Variants in TSPAN5 observed in about 807,000 individuals in gnomAD.
TSPAN5 encodes tetraspanin-5.
Under a neutral mutation model 37.1 loss-of-function variants are expected in TSPAN5, and 10 were observed. That is an observed-to-expected ratio of 0.27 (90% CI 0.17 to 0.46). The LOEUF is 0.46. TSPAN5 is among the 20% of genes least tolerant of loss of function. The pLI, the probability that TSPAN5 is intolerant of heterozygous loss-of-function variation, is 1.00. For missense variants in TSPAN5, 195 were observed against 326.6 expected (o/e 0.60, Z 3.11); for synonymous variants, 110 against 118.9 (o/e 0.93, Z 0.48).
At chr4:98,499,374 A>G (rs1753289116) in intron 2 of TSPAN5, among the ~76,000 whole-genome samples, 1 of 152,176 alleles carries the variant, frequency 6.6e-6, no homozygotes, top group Non-Finnish European at 1.5e-5. Flanking sequence ...TTAGGTTTGC[A>G]GTTTTATTAT....
intron 2 of TSPAN5, chr4:98,496,537 C>G (rs1392964778): frequency 6.6e-6 from 1 of 152,180 alleles, no homozygotes; most frequent in Non-Finnish European, 1.5e-5. Context: ...TAAAAAGTGG[C>G]CATGACCTGC....
chr4:98,482,354 T>C (rs1321037957), intron 3 of TSPAN5, 179 bp from the exon 4 acceptor site: 1 of 534,216 alleles, frequency 1.9e-6, no homozygotes, highest in Non-Finnish European at 3.2e-6. Context: ...AGAAAGGACT[T>C]TTAAAAATCA....
rs557888360 is a variant in TSPAN5, at chr4:98,619,168, C to T, written c.81+38978G>A. On this transcript the variant is annotated intron_variant, in intron 1 of 7. Coordinates refer to ENST00000305798, the MANE Select transcript of TSPAN5 (RefSeq NM_005723.4). ...ACACACAAACTCTATCAGTATTAGC[C>T]TATTTAAACCTTAAATTTTTAATTC... is the stretch of plus-strand genomic sequence containing the variant. Among the ~76,000 whole-genome samples, 4 of 152,192 alleles carry T rather than the reference C, an allele frequency of 2.6e-5. No individual in the cohort carries two copies. The South Asian group carries it at 8.3e-4, about 32-fold the overall frequency.
At chr4:98,559,447 A>G (rs901034388) in intron 1 of TSPAN5, among the ~76,000 whole-genome samples, 5 of 152,210 alleles carry the variant, frequency 3.3e-5, no homozygotes, top group African/African-American at 9.6e-5. Flanking sequence ...TAAGAAGAGT[A>G]TAATAAAGAA....
At chr4:98,491,385 C>T (rs1753082581) in intron 2 of TSPAN5, among the ~76,000 whole-genome samples, 1 of 152,134 alleles carries the variant, frequency 6.6e-6, no homozygotes, top group Admixed American at 6.5e-5. Flanking sequence ...TTCATCTGTG[C>T]ACAATTTCCC....
chr4:98,498,934 C>T (rs1050151165), intron 2 of TSPAN5, among the ~76,000 whole-genome samples: 28 of 152,098 alleles, frequency 1.8e-4, no homozygotes, highest in Non-Finnish European at 3.8e-4. Flanking sequence ...GGAGAAAACA[C>T]GGGGACAGCA....
intron 1 of TSPAN5, among the ~76,000 whole-genome samples, chr4:98,549,296 GT>G (rs777948646): frequency 7.9e-6 from 1 of 126,474 alleles, no homozygotes; most frequent in Non-Finnish European, 1.6e-5. Flanking sequence ...TTGTTTGTTT[GT>G]TTTTGTTTTT....
intron 1 of TSPAN5, among the ~76,000 whole-genome samples, chr4:98,580,634 T>C (rs1441675270): frequency 6.6e-6 from 1 of 152,066 alleles, no homozygotes; most frequent in Non-Finnish European, 1.5e-5. Context: ...GAACAAACAA[T>C]TAAAAGGAAA....
chr4:98,489,612 C>A (rs1753043243), intron 2 of TSPAN5, among the ~76,000 whole-genome samples: 1 of 152,172 alleles, frequency 6.6e-6, no homozygotes, highest in African/African-American at 2.4e-5. Flanking sequence ...TTGTAGAAGC[C>A]ACCACTGACT....
rs184009096 is a variant in TSPAN5, at chr4:98,505,641, G to A, written c.132+2037C>T. On this transcript the variant is annotated intron_variant, in intron 2 of 7. Coordinates refer to ENST00000305798, the MANE Select transcript of TSPAN5 (RefSeq NM_005723.4). ...ACCAGTATCTGGACAAACATACTTG[G>A]GCAGTAACTGCTTCTCATTGGTGAC... 2.0e-5 allele frequency among the ~76,000 whole-genome samples: 3 copies of A among 152,274 alleles called. No homozygotes were observed. In the East Asian group the frequency reaches 5.8e-4, roughly 29 times the overall value.
chr4:98,525,913 T>C (rs1296134876), intron 1 of TSPAN5, among the ~76,000 whole-genome samples: 7 of 152,232 alleles, frequency 4.6e-5, no homozygotes, highest in Non-Finnish European at 7.3e-5. Flanking sequence ...AATTAAGATA[T>C]AAGTATTCCA....
chr4:98,571,089 C>A (rs1291366053), intron 1 of TSPAN5, among the ~76,000 whole-genome samples: 1 of 152,126 alleles, frequency 6.6e-6, no homozygotes, highest in Non-Finnish European at 1.5e-5. Context: ...CTATTTTCCT[C>A]ATTCTAGCAA....
In TSPAN5 at chr4:98,504,843, C is replaced by T. The variant is rs143384049; in HGVS notation, c.132+2835G>A. Among the ~76,000 whole-genome samples, 103 of 152,132 alleles carry T rather than the reference C, an allele frequency of 6.8e-4. 1 individual carries two copies. In the Middle Eastern group the frequency reaches 0.01, roughly 15 times the overall value. ...CAGGTCTGTTTACCCCTGTCTTAGT[C>T]GGCTGTATAACACTGATCATAAACT... On this transcript the variant is annotated intron_variant, in intron 2 of 7. Coordinates refer to ENST00000305798, the MANE Select transcript of TSPAN5 (RefSeq NM_005723.4).
intron 2 of TSPAN5, among the ~76,000 whole-genome samples, chr4:98,503,330 G>A (rs542132436): frequency 1.3e-5 from 2 of 152,270 alleles, no homozygotes; most frequent in South Asian, 4.2e-4. Flanking sequence ...CCATGGTGCA[G>A]AAAAGACACC....
intron 1 of TSPAN5, among the ~76,000 whole-genome samples, chr4:98,630,631 C>T (rs952181733): frequency 2.4e-4 from 37 of 152,200 alleles, no homozygotes; most frequent in Admixed American, 2.2e-3. Flanking sequence ...CGGAATCCAA[C>T]GCCAAGCTTC....
At chr4:98,615,755 T>C (rs1756319566) in intron 1 of TSPAN5, among the ~76,000 whole-genome samples, 1 of 151,978 alleles carries the variant, frequency 6.6e-6, no homozygotes, top group African/African-American at 2.4e-5. Context: ...CACACACACA[T>C]ATTGATTCTT....
At chr4:98,632,719 T>C (rs35948296) in intron 1 of TSPAN5, among the ~76,000 whole-genome samples, 17,449 of 152,138 alleles carry the variant, frequency 0.11, 1,349 homozygotes, top group South Asian at 0.31. Flanking sequence ...AATTATGATG[T>C]ATGCTCTGAA....
intron 1 of TSPAN5, among the ~76,000 whole-genome samples, chr4:98,537,667 C>T (rs141256967): frequency 1.4e-3 from 217 of 152,346 alleles, no homozygotes; most frequent in African/African-American, 4.7e-3. Context: ...CCTCACCGCC[C>T]TCCCAGAGAG....
intron 2 of TSPAN5, among the ~76,000 whole-genome samples, chr4:98,490,179 C>G (rs1753054679): frequency 6.6e-6 from 1 of 152,140 alleles, no homozygotes; most frequent in Non-Finnish European, 1.5e-5. Context: ...AACCCTTGCC[C>G]ATGATCCATG....
Sources: allele counts gnomAD v4.1 joint callset (sites outside exome capture counted in the v4.1 genomes callset), GRCh38; gene constraint gnomAD v4.1.1; transcripts MANE v1.5; gene names NCBI Gene and HGNC (gene_info 2026-07-23, HGNC 2026-07-21).